NRXN3: variants seen among roughly 807,000 people sequenced by gnomAD.
NRXN3 encodes neurexin 3.
NRXN3 carries 32 observed loss-of-function variants against 137.6 expected under a neutral mutation model. The ratio of observed to expected loss-of-function variants is 0.23; its 90% CI spans 0.18 to 0.31. The LOEUF is 0.31. Ranked by LOEUF, NRXN3 falls within the 10% of genes least tolerant of loss-of-function variation. The pLI, the probability that NRXN3 is intolerant of heterozygous loss-of-function variation, is 1.00. For missense variants in NRXN3, 1,574 were observed against 2,062.5 expected (o/e 0.76, Z 4.59); for synonymous variants, 798 against 784.5 (o/e 1.02, Z -0.29).
chr14:78,973,184 A>T (rs997754436), intron 14 of NRXN3, among the ~76,000 whole-genome samples: 8 of 152,182 alleles, frequency 5.3e-5, no homozygotes, highest in Admixed American at 5.2e-4. Context: ...TACCGTGACT[A>T]TACATAAACA....
In NRXN3 at chr14:78,807,785, G is replaced by GA. The variant is rs75695624; in HGVS notation, c.2249-2526dup. 3.9e-3 allele frequency among the ~76,000 whole-genome samples: 39 copies of GA among 9,968 alleles called. No homozygotes were observed. The South Asian group carries it at 0.047, about 12-fold the overall frequency. 6.5% of individuals were successfully genotyped at this position (9,968 alleles called of 152,430 possible). A position where few individuals can be genotyped will look rare whatever the true frequency, so the allele number is the denominator to read the frequency against. ...GAAAAGAAAAAGAAAGAGAAAGAAAGAAAAAAACTTTCTATCATTTACCAT... is the reference window on the plus strand; with the variant it reads ...GAAAAGAAAAAGAAAGAGAAAGAAAGAAAAAAAACTTTCTATCATTTACCAT... On this transcript the variant is annotated intron_variant, in intron 9 of 20. Coordinates refer to ENST00000335750, the MANE Select transcript of NRXN3 (RefSeq NM_001330195.2).
intron 18 of NRXN3, among the ~76,000 whole-genome samples, chr14:79,696,749 T>A (rs1603436848): frequency 6.6e-6 from 1 of 152,082 alleles, no homozygotes; most frequent in Admixed American, 6.6e-5. Context: ...CGAAATAAAG[T>A]GAACTATTGA....
chr14:79,397,756 T>G (rs1168897100), intron 15 of NRXN3, among the ~76,000 whole-genome samples: 1 of 151,694 alleles, frequency 6.6e-6, no homozygotes, highest in Non-Finnish European at 1.5e-5. Flanking sequence ...CAAGGTAAGT[T>G]TTACAACCTG....
chr14:79,712,264 A>T (rs934252842), intron 19 of NRXN3, among the ~76,000 whole-genome samples: 31 of 152,154 alleles, frequency 2.0e-4, no homozygotes, highest in Non-Finnish European at 4.0e-4. Context: ...TGACATATTA[A>T]CTAATGACTT....
chr14:79,784,046 A>G (rs1034603310), intron 19 of NRXN3, among the ~76,000 whole-genome samples: 1 of 152,200 alleles, frequency 6.6e-6, no homozygotes, highest in Non-Finnish European at 1.5e-5. Context: ...CTTCAAATAT[A>G]TTGTCTTATG....
At chr14:79,379,352 A>G (rs918163376) in intron 15 of NRXN3, among the ~76,000 whole-genome samples, 1 of 152,136 alleles carries the variant, frequency 6.6e-6, no homozygotes, top group Non-Finnish European at 1.5e-5. Context: ...CAGAAATGTG[A>G]GCATTAGTCT....
chr14:79,194,153 C>A (rs1246072210), intron 15 of NRXN3, among the ~76,000 whole-genome samples: 1 of 152,142 alleles, frequency 6.6e-6, no homozygotes, highest in African/African-American at 2.4e-5. Context: ...GATTCTTAGA[C>A]AACTAAAACT....
At chr14:78,982,203 T>A (rs1313501400) in intron 14 of NRXN3, among the ~76,000 whole-genome samples, 1 of 152,248 alleles carries the variant, frequency 6.6e-6, no homozygotes, top group East Asian at 1.9e-4. Flanking sequence ...AGAACCATTT[T>A]GCTTTAAATT....
At chr14:79,438,432 C>T (rs1353041996) in intron 15 of NRXN3, among the ~76,000 whole-genome samples, 10 of 152,114 alleles carry the variant, frequency 6.6e-5, no homozygotes, top group South Asian at 2.1e-4. Flanking sequence ...TTAATAAGGG[C>T]GGCTTCCAAA....
intron 14 of NRXN3, among the ~76,000 whole-genome samples, chr14:78,974,928 G>A (rs2099459067): frequency 6.6e-6 from 1 of 152,088 alleles, no homozygotes; most frequent in Non-Finnish European, 1.5e-5. Context: ...ATAACAATGA[G>A]GTGTAAGAAG....
chr14:79,489,169 C>A (rs550744494), intron 16 of NRXN3, among the ~76,000 whole-genome samples: 214 of 152,206 alleles, frequency 1.4e-3, no homozygotes, highest in African/African-American at 5.1e-3. Flanking sequence ...AATTTAGAAG[C>A]TGAGTTGTGT....
intron 15 of NRXN3, among the ~76,000 whole-genome samples, chr14:79,116,087 G>C (rs570311157): frequency 6.6e-6 from 1 of 152,308 alleles, no homozygotes; most frequent in South Asian, 2.1e-4. Flanking sequence ...TACTTCCAAA[G>C]ACTATTCCAA....
At chr14:78,894,927 A>G (rs1322186502) in intron 10 of NRXN3, among the ~76,000 whole-genome samples, 2 of 151,726 alleles carry the variant, frequency 1.3e-5, no homozygotes, top group African/African-American at 4.8e-5. Context: ...GTAGTTCTCA[A>G]TAGTAGGCTT....
intron 15 of NRXN3, among the ~76,000 whole-genome samples, chr14:79,330,623 G>A (rs2091540145): frequency 6.6e-6 from 1 of 152,134 alleles, no homozygotes; most frequent in African/African-American, 2.4e-5. Context: ...AGGGATAGAA[G>A]TAAAGGTAGG....
intron 15 of NRXN3, among the ~76,000 whole-genome samples, chr14:79,370,313 G>GTT (rs201167922): frequency 1.8e-5 from 2 of 111,352 alleles, no homozygotes; most frequent in African/African-American, 3.0e-5. Flanking sequence ...GTTTTTTTGG[G>GTT]TTTTTTTTTG....
intron 17 of NRXN3, among the ~76,000 whole-genome samples, chr14:79,687,774 A>T (rs1354518920): frequency 6.6e-6 from 1 of 151,996 alleles, no homozygotes. Context: ...CCTTTAAGCC[A>T]CTCTTTCTCA....
intron 15 of NRXN3, among the ~76,000 whole-genome samples, chr14:79,332,883 C>G (rs1233574867): frequency 1.3e-5 from 2 of 152,174 alleles, no homozygotes; most frequent in Non-Finnish European, 2.9e-5. Context: ...TTAGGAAATA[C>G]TAAGTGGGGT....
intron 19 of NRXN3, among the ~76,000 whole-genome samples, chr14:79,787,769 G>GTGTATATATATATATATATATATATA (rs1568252498): frequency 6.6e-6 from 1 of 151,868 alleles, no homozygotes; most frequent in African/African-American, 2.4e-5. Context: ...TTGTGTGTGT[G>GTGTATATATATATATATATATATATA]TATATATATA....
intron 1 of NRXN3, among the ~76,000 whole-genome samples, chr14:78,225,057 C>T (rs544850921): frequency 2.0e-5 from 3 of 152,272 alleles, no homozygotes; most frequent in Admixed American, 6.5e-5. Flanking sequence ...TGAGCCACCG[C>T]ACCCGGCCGC....
Sources: gnomAD v4.1 joint callset for allele counts (sites outside exome capture counted in the v4.1 genomes callset) on GRCh38, gnomAD v4.1.1 for gene constraint, MANE v1.5 for transcripts, NCBI Gene and HGNC (gene_info 2026-07-23, HGNC 2026-07-21) for gene names.